The following MECOM variants were observed in gnomAD, a reference collection of about 807,000 sequenced individuals.
MECOM encodes the protein MDS1 and EVI1 complex locus.
MECOM carries 13 observed loss-of-function variants against 116.3 expected under a neutral mutation model. The observed-to-expected ratio is 0.11, with a 90% confidence interval of 0.07 to 0.18. The LOEUF is 0.18. Among genes scored for constraint, MECOM ranks in the 10% least tolerant of loss-of-function variants. MECOM has a pLI of 1.00. For missense variants in MECOM, 1,299 were observed against 1,509.0 expected (o/e 0.86, Z 2.31); for synonymous variants, 528 against 535.2 (o/e 0.99, Z 0.19).
At position 169,634,478 on chromosome 3, in the gene MECOM, C is replaced by G. The variant is rs550744389; in HGVS notation, c.37+28858G>C. Among the ~76,000 whole-genome samples the G allele has an allele frequency of 3.3e-5, 5 of 152,314 alleles. No individual in the cohort carries two copies. The South Asian group carries it at 6.2e-4, about 19-fold the overall frequency. On this transcript the variant is annotated intron_variant, in intron 1 of 16. Coordinates refer to ENST00000651503, the MANE Select transcript of MECOM (RefSeq NM_004991.4). ...CAGACCATCTATTTCAATAGCTAAT[C>G]TCTCTCACTTGAGGATGTTAGCCAA... is the stretch of plus-strand genomic sequence containing the variant.
At chr3:169,330,450 G>A (rs931659787) in intron 2 of MECOM, among the ~76,000 whole-genome samples, 2 of 152,100 alleles carry the variant, frequency 1.3e-5, no homozygotes, top group African/African-American at 4.8e-5. Flanking sequence ...ATGACATCTA[G>A]TTCAAACTTG....
At chr3:169,389,527 C>A in intron 1 of MECOM, 1 of 984,322 alleles carries the variant, frequency 1.0e-6, no homozygotes, top group Non-Finnish European at 1.2e-6. Flanking sequence ...TTTGCCAGTA[C>A]AAATTTTTGA....
chr3:169,143,203 A>G (rs1488099), intron 3 of MECOM, among the ~76,000 whole-genome samples: 4,801 of 152,178 alleles, frequency 0.032, 89 homozygotes, highest in Middle Eastern at 0.082. Context: ...ATTAATCTAA[A>G]AGTAAGTGTT....
At chr3:169,551,870 G>C (rs908443595) in intron 1 of MECOM, among the ~76,000 whole-genome samples, 1 of 152,136 alleles carries the variant, frequency 6.6e-6, no homozygotes, top group Non-Finnish European at 1.5e-5. Context: ...AAATTATTCA[G>C]CCATAAAAAG....
At chr3:169,254,136 G>C (rs572943511) in intron 2 of MECOM, among the ~76,000 whole-genome samples, 21 of 152,002 alleles carry the variant, frequency 1.4e-4, no homozygotes, top group Non-Finnish European at 2.4e-4. Flanking sequence ...ATATTGTTTG[G>C]ACGGGATGTG....
chr3:169,653,029 G>A (rs1257913454), intron 1 of MECOM, among the ~76,000 whole-genome samples: 2 of 152,154 alleles, frequency 1.3e-5, no homozygotes, highest in Non-Finnish European at 2.9e-5. Context: ...TAAGTGAGGG[G>A]TCATGGGCAA....
chr3:169,131,979 T>C (rs1462256282), intron 3 of MECOM: 1 of 993,720 alleles, frequency 1.0e-6, no homozygotes, highest in Non-Finnish European at 1.2e-6. Flanking sequence ...AGTAGCGCCT[T>C]CTCAACAACG....
At chr3:169,406,177 G>A (rs1266195468) in intron 1 of MECOM, among the ~76,000 whole-genome samples, 1 of 152,130 alleles carries the variant, frequency 6.6e-6, no homozygotes, top group Non-Finnish European at 1.5e-5. Flanking sequence ...CAACAACTCA[G>A]GATATTCAAC....
chr3:169,653,976 C>T (rs1775225833), intron 1 of MECOM, among the ~76,000 whole-genome samples: 1 of 152,156 alleles, frequency 6.6e-6, no homozygotes, highest in African/African-American at 2.4e-5. Flanking sequence ...TGAGATTCAG[C>T]ATCAGGTATA....
intron 2 of MECOM, among the ~76,000 whole-genome samples, chr3:169,305,982 A>C (rs1348885485): frequency 6.6e-6 from 1 of 152,178 alleles, no homozygotes; most frequent in Non-Finnish European, 1.5e-5. Flanking sequence ...TTTTGATTTC[A>C]ATATTCTCTA....
intron 1 of MECOM, among the ~76,000 whole-genome samples, chr3:169,641,596 A>G (rs1773497875): frequency 6.6e-6 from 1 of 152,268 alleles, no homozygotes; most frequent in Admixed American, 6.5e-5. Flanking sequence ...CTAGAGGACC[A>G]CGTGGGCTAA....
chr3:169,610,941 A>C (rs994328207), intron 1 of MECOM, among the ~76,000 whole-genome samples: 6 of 152,094 alleles, frequency 3.9e-5, no homozygotes, highest in Admixed American at 3.3e-4. Flanking sequence ...TAAGGATGGG[A>C]CTCTAAACTC....
intron 6 of MECOM, 88 bp from the exon 7 acceptor site, chr3:169,121,297 C>A (rs1344335623): frequency 7.3e-7 from 1 of 1,368,208 alleles, no homozygotes; most frequent in Admixed American, 2.8e-5. Flanking sequence ...AGAAATTTTT[C>A]TTATTTGTTT....
At chr3:169,125,627 AT>A (rs2149157660) in intron 5 of MECOM, among the ~76,000 whole-genome samples, 1 of 152,256 alleles carries the variant, frequency 6.6e-6, no homozygotes, top group Non-Finnish European at 1.5e-5. Context: ...CTAATCAGTA[AT>A]AAAAAGCACA....
chr3:169,089,233 T>C, intron 15 of MECOM, 50 bp from the exon 16 acceptor site: 2 of 1,317,528 alleles, frequency 1.5e-6, no homozygotes, highest in Non-Finnish European at 2.0e-6. Flanking sequence ...ATTTGTTATC[T>C]AATCAAATCA....
chr3:169,600,694 C>G (rs1767735941), intron 1 of MECOM, among the ~76,000 whole-genome samples: 1 of 152,176 alleles, frequency 6.6e-6, no homozygotes, highest in South Asian at 2.1e-4. Flanking sequence ...ATATTGGGCT[C>G]ATAATGAGCT....
intron 1 of MECOM, among the ~76,000 whole-genome samples, chr3:169,531,461 A>T (rs1445139772): frequency 6.6e-6 from 1 of 152,228 alleles, no homozygotes; most frequent in Non-Finnish European, 1.5e-5. Flanking sequence ...ACTGTCTCTC[A>T]TATGACCCTC....
At chr3:169,359,971 G>T (rs1372753916) in intron 2 of MECOM, among the ~76,000 whole-genome samples, 1 of 151,638 alleles carries the variant, frequency 6.6e-6, no homozygotes, top group Non-Finnish European at 1.5e-5. Flanking sequence ...AGTCTTAATG[G>T]TTAGGAGAAT....
intron 2 of MECOM, among the ~76,000 whole-genome samples, chr3:169,286,718 G>T (rs899941862): frequency 6.6e-6 from 1 of 151,908 alleles, no homozygotes; most frequent in Admixed American, 6.6e-5. Flanking sequence ...TAGGAGTCAG[G>T]GTGTACAATT....
Sources: gnomAD v4.1 joint callset for allele counts (sites outside exome capture counted in the v4.1 genomes callset) on GRCh38, gnomAD v4.1.1 for gene constraint, MANE v1.5 for transcripts, NCBI Gene and HGNC (gene_info 2026-07-23, HGNC 2026-07-21) for gene names.